SETBP1: variants seen among roughly 807,000 people sequenced by gnomAD.
SETBP1 encodes SET binding protein 1.
In SETBP1, 9 loss-of-function variants were observed where a neutral mutation model predicts 101.0. That is an observed-to-expected ratio of 0.09 (90% CI 0.05 to 0.16). SETBP1 has a LOEUF of 0.16. Ranked by LOEUF, SETBP1 falls within the 10% of genes least tolerant of loss-of-function variation. The probability of loss-of-function intolerance (pLI) is 1.00; values close to 1 mark genes in which losing one functional copy is unlikely to be tolerated. For missense variants in SETBP1, 1,858 were observed against 2,033.8 expected (o/e 0.91, Z 1.66); for synonymous variants, 818 against 788.5 (o/e 1.04, Z -0.63).
intron 4 of SETBP1, among the ~76,000 whole-genome samples, chr18:44,996,540 A>G (rs978877552): frequency 1.3e-5 from 2 of 152,266 alleles, no homozygotes; most frequent in African/African-American, 4.8e-5. Context: ...AAAACTACCC[A>G]TGAAGATGAA....
chr18:44,795,403 G>A (rs990862609), intron 2 of SETBP1, among the ~76,000 whole-genome samples: 10 of 152,090 alleles, frequency 6.6e-5, no homozygotes, highest in South Asian at 2.1e-4. Flanking sequence ...AGTCTCCTTC[G>A]GTAGCTATAG....
intron 3 of SETBP1, among the ~76,000 whole-genome samples, chr18:44,905,563 A>G (rs1271125960): frequency 1.4e-5 from 2 of 138,294 alleles, no homozygotes; most frequent in Non-Finnish European, 3.2e-5. Context: ...CCTGAGAAAT[A>G]AAAGGGTTCT....
intron 2 of SETBP1, among the ~76,000 whole-genome samples, chr18:44,826,277 AC>A (rs368334286): frequency 1.3e-5 from 2 of 152,164 alleles, no homozygotes; most frequent in African/African-American, 4.8e-5. Context: ...TTGCCCTTTC[AC>A]CCCTTTTTCG....
chr18:44,987,272 AG>A (rs1332214382), intron 4 of SETBP1: 1 of 152,206 alleles, frequency 6.6e-6, no homozygotes, highest in Non-Finnish European at 1.5e-5. Context: ...TCTCCAGAAG[AG>A]CCCCCAGAGT....
intron 1 of SETBP1, among the ~76,000 whole-genome samples, chr18:44,688,261 T>G (rs1357590943): frequency 6.6e-6 from 1 of 152,182 alleles, no homozygotes; most frequent in Non-Finnish European, 1.5e-5. Flanking sequence ...TTCAGTTCTG[T>G]CAGTGGAAAG....
intron 2 of SETBP1, among the ~76,000 whole-genome samples, chr18:44,714,239 C>T (rs2069411291): frequency 6.6e-6 from 1 of 152,014 alleles, no homozygotes; most frequent in African/African-American, 2.4e-5. Context: ...TGCTCTGTCA[C>T]CCAGGCTGGT....
At chr18:44,963,723 T>A (rs1356122855) in intron 4 of SETBP1, among the ~76,000 whole-genome samples, 2 of 151,314 alleles carry the variant, frequency 1.3e-5, no homozygotes, top group Non-Finnish European at 2.9e-5. Flanking sequence ...ACCCCGTCTC[T>A]ATAAAAATAT....
At chr18:44,751,462 C>T (rs1300139173) in intron 2 of SETBP1, among the ~76,000 whole-genome samples, 2 of 152,128 alleles carry the variant, frequency 1.3e-5, no homozygotes, top group Non-Finnish European at 2.9e-5. Context: ...TTTCCATGCC[C>T]CTTTCTCTTT....
chr18:44,978,399 T>A (rs1400618936), intron 4 of SETBP1, among the ~76,000 whole-genome samples: 1 of 152,190 alleles, frequency 6.6e-6, no homozygotes, highest in African/African-American at 2.4e-5. Context: ...TTACATGATA[T>A]CTTGTAGTGA....
intron 4 of SETBP1, among the ~76,000 whole-genome samples, chr18:44,996,293 G>C (rs1389694542): frequency 1.3e-5 from 2 of 152,208 alleles, no homozygotes; most frequent in African/African-American, 4.8e-5. Context: ...ACAGAGACTA[G>C]AGCCTGCTCA....
chr18:44,974,283 T>C (rs1463325372), intron 4 of SETBP1, among the ~76,000 whole-genome samples: 1 of 151,990 alleles, frequency 6.6e-6, no homozygotes, highest in Non-Finnish European at 1.5e-5. Flanking sequence ...AAAGAATATA[T>C]CTCAGAGGGA....
At chr18:44,853,341 A>T (rs180877386) in intron 2 of SETBP1, among the ~76,000 whole-genome samples, 3 of 152,216 alleles carry the variant, frequency 2.0e-5, no homozygotes, top group Non-Finnish European at 4.4e-5. Context: ...AATGTGGTAC[A>T]GTATCTTCTC....
At chr18:44,791,792 T>C (rs867147549) in intron 2 of SETBP1, among the ~76,000 whole-genome samples, 4 of 152,156 alleles carry the variant, frequency 2.6e-5, no homozygotes, top group Admixed American at 2.0e-4. Context: ...CCTGGACATT[T>C]AGAATTTCTA....
At chr18:44,763,518 G>A (rs1006578645) in intron 2 of SETBP1, among the ~76,000 whole-genome samples, 1 of 152,194 alleles carries the variant, frequency 6.6e-6, no homozygotes, top group Admixed American at 6.5e-5. Context: ...ATGGAGCTGC[G>A]TTGTTTGCAG....
chr18:44,985,871 T>A (rs2072220108), intron 4 of SETBP1, among the ~76,000 whole-genome samples: 1 of 152,324 alleles, frequency 6.6e-6, no homozygotes, highest in African/African-American at 2.4e-5. Context: ...ATGTAAGACT[T>A]TTTGATTTAG....
At chr18:44,689,087 G>T (rs1253776898) in intron 1 of SETBP1, among the ~76,000 whole-genome samples, 2 of 152,184 alleles carry the variant, frequency 1.3e-5, no homozygotes, top group Non-Finnish European at 2.9e-5. Flanking sequence ...CTATTTGTGT[G>T]ATCAGGCCTA....
intron 2 of SETBP1, among the ~76,000 whole-genome samples, chr18:44,760,417 G>C (rs571616415): frequency 2.4e-4 from 37 of 152,332 alleles, no homozygotes; most frequent in South Asian, 1.5e-3. Context: ...GGTTACCCAA[G>C]ATCTCAATGC....
In SETBP1 at chr18:44,905,367, A is replaced by C. The variant is rs150591288; in HGVS notation, c.540+36084A>C. Among the ~76,000 whole-genome samples the C allele has an allele frequency of 2.6e-5, 4 of 152,314 alleles. No homozygotes were observed. The East Asian group carries it at 7.7e-4, about 29-fold the overall frequency. On this transcript the variant is annotated intron_variant, in intron 3 of 5. Transcript: ENST00000649279. ...GCTGACTTTTTCTGGAGGGTTACAG[A>C]AGCTTGAATGGTGACTCCCATAGAA...
intron 2 of SETBP1, among the ~76,000 whole-genome samples, chr18:44,805,029 T>C (rs2071697908): frequency 6.6e-6 from 1 of 152,040 alleles, no homozygotes; most frequent in Non-Finnish European, 1.5e-5. Flanking sequence ...GATCCTGGCC[T>C]CCCCTGGAAT....
Sources: gnomAD v4.1 joint callset for allele counts (sites outside exome capture counted in the v4.1 genomes callset) on GRCh38, gnomAD v4.1.1 for gene constraint, MANE v1.5 for transcripts, NCBI Gene and HGNC (gene_info 2026-07-23, HGNC 2026-07-21) for gene names.